The following CNOT2 variants were observed in gnomAD, a reference collection of about 807,000 sequenced individuals.
CNOT2 encodes the protein CCR4-NOT transcription complex subunit 2.
In CNOT2, 7 loss-of-function variants were observed where a neutral mutation model predicts 72.1. The observed-to-expected ratio is 0.10, with a 90% confidence interval of 0.06 to 0.18. The LOEUF (loss-of-function observed/expected upper bound fraction) is 0.18. CNOT2 is among the 10% of genes least tolerant of loss of function. CNOT2 has a pLI of 1.00. For missense variants in CNOT2, 345 were observed against 660.3 expected (o/e 0.52, Z 5.23); for synonymous variants, 196 against 225.6 (o/e 0.87, Z 1.17).
chr12:70,259,873 A>G (rs1354426985), intron 1 of CNOT2, among the ~76,000 whole-genome samples: 1 of 152,206 alleles, frequency 6.6e-6, no homozygotes, highest in Non-Finnish European at 1.5e-5. Flanking sequence ...ATTTGAAGAG[A>G]TAATAGTGAA....
chr12:70,291,579 G>C (rs2135868031), intron 2 of CNOT2, among the ~76,000 whole-genome samples: 1 of 152,332 alleles, frequency 6.6e-6, no homozygotes, highest in East Asian at 1.9e-4. Flanking sequence ...ACCTTTAAAA[G>C]ATTTGGTTTG....
At chr12:70,322,003 T>C (rs1878377606) in intron 4 of CNOT2, 2 of 151,914 alleles carry the variant, frequency 1.3e-5, no homozygotes, top group East Asian at 1.9e-4. Context: ...ATACTGTACA[T>C]GGAATGATAA....
intron 2 of CNOT2, among the ~76,000 whole-genome samples, chr12:70,283,611 A>G (rs556645811): frequency 6.6e-6 from 1 of 151,114 alleles, no homozygotes; most frequent in East Asian, 1.9e-4. Flanking sequence ...GTGTTAGGTG[A>G]AGATGAATAA....
At chr12:70,275,425 C>T (rs1868611887) in intron 1 of CNOT2, among the ~76,000 whole-genome samples, 1 of 151,976 alleles carries the variant, frequency 6.6e-6, no homozygotes, top group South Asian at 2.1e-4. Flanking sequence ...AATTTAGTTC[C>T]AGTTTCCCCT....
chr12:70,302,138 A>G (rs1874135371), intron 2 of CNOT2, among the ~76,000 whole-genome samples: 1 of 151,928 alleles, frequency 6.6e-6, no homozygotes, highest in South Asian at 2.1e-4. Flanking sequence ...GCGGTCTATC[A>G]ATTTTGTTGA....
chr12:70,307,218 G>C (rs1035431585), intron 2 of CNOT2, among the ~76,000 whole-genome samples: 1 of 152,100 alleles, frequency 6.6e-6, no homozygotes, highest in Non-Finnish European at 1.5e-5. Context: ...CGAATAATGA[G>C]TTAACCTTAG....
intron 3 of CNOT2, among the ~76,000 whole-genome samples, chr12:70,311,479 T>G (rs947556357): frequency 6.6e-6 from 1 of 152,022 alleles, no homozygotes; most frequent in Non-Finnish European, 1.5e-5. Context: ...CTCTCCTCTG[T>G]TCAGCCATAG....
intron 6 of CNOT2, chr12:70,331,419 T>C (rs569977446): frequency 3.3e-5 from 5 of 152,014 alleles, no homozygotes; most frequent in East Asian, 3.9e-4. Context: ...TCTAACCTTA[T>C]ATCTTTATCA....
chr12:70,349,851 A>C (rs781706032), intron 15 of CNOT2, among the ~76,000 whole-genome samples: 1 of 151,976 alleles, frequency 6.6e-6, no homozygotes, highest in Non-Finnish European at 1.5e-5. Flanking sequence ...AGAGAGAGAG[A>C]GAGAAACATA....
At chr12:70,283,930 A>T (rs1440925114) in intron 2 of CNOT2, among the ~76,000 whole-genome samples, 3 of 117,462 alleles carry the variant, frequency 2.6e-5, no homozygotes, top group East Asian at 2.7e-4. Context: ...CATGATGTAA[A>T]TTTTTTTTTT....
chr12:70,278,025 A>C, intron 1 of CNOT2, 107 bp from the exon 2 acceptor site: 1 of 489,170 alleles, frequency 2.0e-6, no homozygotes, highest in Non-Finnish European at 3.6e-6. Context: ...GTATAGAACA[A>C]TTACTTTTTG....
At chr12:70,353,206 G>C (rs1029131482) in intron 15 of CNOT2, among the ~76,000 whole-genome samples, 1 of 151,598 alleles carries the variant, frequency 6.6e-6, no homozygotes, top group African/African-American at 2.4e-5. Context: ...CTGAGTAGCT[G>C]CTACTACAGG....
At chr12:70,291,156 A>G (rs964097225) in intron 2 of CNOT2, among the ~76,000 whole-genome samples, 69 of 152,244 alleles carry the variant, frequency 4.5e-4, no homozygotes, top group African/African-American at 1.5e-3. Flanking sequence ...AGGCCCATAG[A>G]TACAGTGGTC....
chr12:70,319,028 G>T (rs940429), intron 3 of CNOT2: 47,562 of 263,164 alleles, frequency 0.18, 5,142 homozygotes, highest in Admixed American at 0.35. Flanking sequence ...CTAAGTGAAA[G>T]AGTAGTGCTG....
chr12:70,249,372 A>G (rs1461917132), intron 1 of CNOT2, among the ~76,000 whole-genome samples: 2 of 148,522 alleles, frequency 1.3e-5, no homozygotes, highest in Non-Finnish European at 3.0e-5. Flanking sequence ...ACTTTTATAT[A>G]CATTATCTTA....
chr12:70,318,451 T>A (rs1275776740), intron 3 of CNOT2, among the ~76,000 whole-genome samples: 2 of 151,894 alleles, frequency 1.3e-5, no homozygotes, highest in African/African-American at 4.8e-5. Context: ...TTCAATAGTT[T>A]TGGGGGTACA....
chr12:70,258,368 G>A (rs1958559817), intron 1 of CNOT2, among the ~76,000 whole-genome samples: 1 of 152,166 alleles, frequency 6.6e-6, no homozygotes, highest in Non-Finnish European at 1.5e-5. Flanking sequence ...CACTGAAAAT[G>A]TAGGTTAAGA....
Position 70,353,913 on chromosome 12 carries a change from T to TAAA in CNOT2, c.*21_*23dup, listed in dbSNP as rs35192504. On this transcript the variant is annotated inframe_insertion and stop_retained_variant, in exon 16 of 16. Transcript: ENST00000229195. Reference sequence around the variant, plus strand: ...CTACAACCCTGCTCAGCAAGCCTTCTAAAAAAAAAAAAAAAAAAAAAAAAA... The same window carrying TAAA: ...CTACAACCCTGCTCAGCAAGCCTTCTAAAAAAAAAAAAAAAAAAAAAAAAAAAA... The TAAA allele has an allele frequency of 6.6e-3, 8,323 of 1,263,464 alleles. 20 individuals are homozygous for TAAA. Among genetic ancestry groups the TAAA allele is most frequent in the Admixed American group, 0.016 (402 of 24,430 alleles). The allele number at this position is 1,263,464 out of a possible 1,614,324, so 78.3% of individuals were successfully genotyped here.
chr12:70,286,754 C>T (rs186877006), intron 2 of CNOT2, among the ~76,000 whole-genome samples: 7 of 148,172 alleles, frequency 4.7e-5, no homozygotes, highest in East Asian at 4.1e-4. Context: ...TGCTCCCCTC[C>T]AACACAAAAA....
Sources: allele counts gnomAD v4.1 joint callset (sites outside exome capture counted in the v4.1 genomes callset), GRCh38; gene constraint gnomAD v4.1.1; transcripts MANE v1.5; gene names NCBI Gene and HGNC (gene_info 2026-07-23, HGNC 2026-07-21).